ADAM9: variants seen among roughly 807,000 people sequenced by gnomAD.
ADAM9 encodes ADAM metallopeptidase domain 9, also known as disintegrin and metalloproteinase domain-containing protein 9.
In ADAM9, 54 loss-of-function variants were observed where a neutral mutation model predicts 108.1. The ratio of observed to expected loss-of-function variants is 0.50; its 90% CI spans 0.40 to 0.63. The LOEUF (loss-of-function observed/expected upper bound fraction) is 0.63, where lower values mean the gene tolerates loss of function less well. Among genes scored for constraint, ADAM9 ranks in the 20% least tolerant of loss-of-function variants. The pLI, the probability that ADAM9 is intolerant of heterozygous loss-of-function variation, is 0.00. For synonymous variants in ADAM9, 316 were observed against 336.0 expected (o/e 0.94, Z 0.65); for missense variants, 830 against 997.7 (o/e 0.83, Z 2.26).
chr8:38,997,061 G>T lies in ADAM9; in HGVS notation c.-3G>T. On this transcript the variant is annotated 5_prime_UTR_variant, in exon 1 of 22. Coordinates refer to ENST00000487273, the MANE Select transcript of ADAM9 (RefSeq NM_003816.3). ...CTGAGAGGAACCTGCGGAATCGGCCGAGATGGGGTCTGGCGCGCGCTTTCC... is the reference window on the plus strand; with the variant it reads ...CTGAGAGGAACCTGCGGAATCGGCCTAGATGGGGTCTGGCGCGCGCTTTCC... 1 of 1,607,208 alleles carries T rather than the reference G, an allele frequency of 6.2e-7. No homozygotes were observed. The highest frequency in any genetic ancestry group is 8.5e-7 in the Non-Finnish European group (1 of 1,179,498).
At chr8:39,025,671 AT>A (rs374478855) in intron 9 of ADAM9, 131 bp from the exon 10 acceptor site, 50,562 of 525,436 alleles carry the variant, frequency 0.096, no homozygotes, top group South Asian at 0.13. Context: ...TGATTTTAGA[AT>A]TTTTTTTTTT....
intron 1 of ADAM9, among the ~76,000 whole-genome samples, chr8:39,001,705 T>C (rs1835996670): frequency 6.6e-6 from 1 of 151,936 alleles, no homozygotes; most frequent in Non-Finnish European, 1.5e-5. Flanking sequence ...TCTCACACTG[T>C]TGCCCAGACT....
intron 14 of ADAM9, among the ~76,000 whole-genome samples, chr8:39,063,059 C>T (rs1037208923): frequency 6.6e-6 from 1 of 152,208 alleles, no homozygotes; most frequent in South Asian, 2.1e-4. Flanking sequence ...CTGTCTGCTT[C>T]GTGAGTCCTC....
chr8:39,090,801 A>G (rs1839329187), intron 19 of ADAM9, among the ~76,000 whole-genome samples: 1 of 152,246 alleles, frequency 6.6e-6, no homozygotes, highest in African/African-American at 2.4e-5. Flanking sequence ...TTCCATAACT[A>G]CAGCTATCTT....
intron 16 of ADAM9, 60 bp downstream of exon 16, chr8:39,077,471 C>A: frequency 6.9e-7 from 1 of 1,445,916 alleles, no homozygotes; most frequent in Non-Finnish European, 9.4e-7. Context: ...AATTATTATA[C>A]ATAGTAAGTG....
chr8:39,092,700 G>C (rs1474837663), intron 20 of ADAM9, among the ~76,000 whole-genome samples: 1 of 151,246 alleles, frequency 6.6e-6, no homozygotes, highest in African/African-American at 2.4e-5. Context: ...GTACTCCTAA[G>C]AATATTTACC....
intron 1 of ADAM9, among the ~76,000 whole-genome samples, chr8:39,003,925 A>G (rs1473963223): frequency 6.6e-6 from 1 of 152,336 alleles, no homozygotes; most frequent in South Asian, 2.1e-4. Flanking sequence ...ATTTTACTTC[A>G]TTGGCAGTCT....
rs1839779362 is a variant in ADAM9, at chr8:39,103,845, A to G, written c.*145A>G. On this transcript the variant is annotated 3_prime_UTR_variant, in exon 22 of 22. Transcript: ENST00000487273. ...AAACAGACTTCACTAACACAGAAAA[A>G]CAGAAACTGAGTGTGAGAGTTGTGA... 1.3e-6 allele frequency: 1 copy of G among 779,996 alleles called. No homozygotes were observed. The highest frequency in any genetic ancestry group is 2.2e-6 in the Non-Finnish European group (1 of 453,412). The allele number at this position is 779,996 out of a possible 1,614,324, so 48.3% of individuals were successfully genotyped here.
rs1491561676 is a variant in ADAM9 at position 39,045,385 on chromosome 8, G to GGCGCGC, written c.1302+3269_1302+3270insCGCGCG. 3.8e-4 allele frequency among the ~76,000 whole-genome samples: 6 copies of GGCGCGC among 15,958 alleles called. 2 individuals are homozygous for GGCGCGC. Among genetic ancestry groups the GGCGCGC allele is most frequent in the African/African-American group, 1.4e-3 (6 of 4,178 alleles). 10.5% of individuals were successfully genotyped at this position (15,958 alleles called of 152,430 possible). A position where few individuals can be genotyped will look rare whatever the true frequency, so the allele number is the denominator to read the frequency against. On this transcript the variant is annotated intron_variant, in intron 12 of 21. Transcript: ENST00000487273. ...ATAGGTGTGTGTACATACACCTATA[G>GGCGCGC]GTGTGTGTACACACACCTATATGTG...
rs1414700666 is a variant in ADAM9 at position 39,011,856 on chromosome 8, T to G, written c.254+140T>G. The G allele has an allele frequency of 6.7e-5, 52 of 777,016 alleles. No homozygotes were observed. The Admixed American group carries it at 1.2e-3, about 19-fold the overall frequency. 48.1% of individuals were successfully genotyped at this position (777,016 alleles called of 1,614,324 possible). A position where few individuals can be genotyped will look rare whatever the true frequency, so the allele number is the denominator to read the frequency against. On this transcript the variant is annotated intron_variant, in intron 3 of 21. Transcript: ENST00000487273. ...AGCTCTTCATATTGGTGCTGCACAG[T>G]GGCAGCTGGCTGGGCAGGCAGTGAC...
chr8:39,063,594 C>T (rs965903147), intron 14 of ADAM9, among the ~76,000 whole-genome samples: 1 of 152,166 alleles, frequency 6.6e-6, no homozygotes, highest in Non-Finnish European at 1.5e-5. Context: ...TAGTGGTGCA[C>T]TCCTGTAGTC....
intron 1 of ADAM9, among the ~76,000 whole-genome samples, chr8:39,001,814 C>T (rs751917923): frequency 6.6e-6 from 1 of 151,768 alleles, no homozygotes; most frequent in Non-Finnish European, 1.5e-5. Context: ...ATTACAGGCG[C>T]GTGCGCCACC....
At chr8:39,096,313 T>C (rs1428047643) in intron 20 of ADAM9, among the ~76,000 whole-genome samples, 4 of 151,494 alleles carry the variant, frequency 2.6e-5, no homozygotes, top group Non-Finnish European at 5.9e-5. Context: ...TTGATTCTCA[T>C]TTTCCTTTGT....
intron 10 of ADAM9, 38 bp from the exon 11 acceptor site, chr8:39,026,639 G>A (rs544298955): frequency 5.5e-5 from 89 of 1,613,812 alleles, no homozygotes; most frequent in Admixed American, 4.2e-4. Flanking sequence ...TTTTCTTTGC[G>A]TTCAGAAACC....
At chr8:39,092,347 C>CACAT (rs2129443231) in intron 20 of ADAM9, among the ~76,000 whole-genome samples, 1 of 151,916 alleles carries the variant, frequency 6.6e-6, no homozygotes, top group South Asian at 2.1e-4. Context: ...CACACACACA[C>CACAT]ACACACACAA....
chr8:39,083,515 T>C (rs1374309837), intron 18 of ADAM9, among the ~76,000 whole-genome samples: 3 of 152,236 alleles, frequency 2.0e-5, no homozygotes, highest in African/African-American at 7.2e-5. Flanking sequence ...TGAAGACATA[T>C]TGTAACTTCT....
intron 11 of ADAM9, among the ~76,000 whole-genome samples, chr8:39,035,694 G>T (rs1437503075): frequency 6.6e-6 from 1 of 152,206 alleles, no homozygotes; most frequent in East Asian, 1.9e-4. Flanking sequence ...GCGGGCGCCT[G>T]TAGTCCCAGC....
chr8:39,072,572 C>T (rs1564350794), intron 15 of ADAM9, among the ~76,000 whole-genome samples: 1 of 152,186 alleles, frequency 6.6e-6, no homozygotes. Context: ...GCTTCATTTG[C>T]CTCCTCTCTG....
At chr8:39,025,695 G>T (rs1225830637) in intron 9 of ADAM9, 108 bp from the exon 10 acceptor site, 16 of 1,012,896 alleles carry the variant, frequency 1.6e-5, no homozygotes, top group Admixed American at 4.0e-5. Flanking sequence ...CCATTTTCCT[G>T]CCATGTTTTG....
Sources: allele counts gnomAD v4.1 joint callset (sites outside exome capture counted in the v4.1 genomes callset), GRCh38; gene constraint gnomAD v4.1.1; transcripts MANE v1.5; gene names NCBI Gene and HGNC (gene_info 2026-07-23, HGNC 2026-07-21).